PLEKHH2: variants seen among roughly 807,000 people sequenced by gnomAD.
The protein encoded by PLEKHH2 is pleckstrin homology domain-containing family H member 2.
In PLEKHH2, 129 loss-of-function variants were observed where a neutral mutation model predicts 187.9. That is an observed-to-expected ratio of 0.69 (90% confidence interval 0.59 to 0.79). The LOEUF (loss-of-function observed/expected upper bound fraction) is 0.79, where lower values mean the gene tolerates loss of function less well. PLEKHH2 is among the 30% of genes least tolerant of loss of function. The pLI is 0.00. For synonymous variants in PLEKHH2, 686 were observed against 605.6 expected (o/e 1.13, Z -1.95); for missense variants, 2,076 against 1,751.2 (o/e 1.19, Z -3.31).
intron 19 of PLEKHH2, among the ~76,000 whole-genome samples, chr2:43,734,511 G>A (rs183812883): frequency 9.9e-5 from 15 of 152,212 alleles, no homozygotes; most frequent in South Asian, 4.2e-4. Flanking sequence ...GCTAAGCATC[G>A]CTAATCATCA....
intron 3 of PLEKHH2, among the ~76,000 whole-genome samples, chr2:43,683,137 A>G (rs999322215): frequency 1.6e-5 from 2 of 126,228 alleles, no homozygotes; most frequent in Non-Finnish European, 3.3e-5. Flanking sequence ...TTTTATTTAT[A>G]TACCCTTTTT....
At chr2:43,656,723 G>A (rs558694658) in intron 2 of PLEKHH2, among the ~76,000 whole-genome samples, 1 of 152,172 alleles carries the variant, frequency 6.6e-6, no homozygotes, top group Non-Finnish European at 1.5e-5. Context: ...GTCCATTAGA[G>A]AAAACCTTAG....
At chr2:43,764,423 C>T (rs1297606413) in intron 29 of PLEKHH2, 58 bp downstream of exon 29, 5 of 1,520,196 alleles carry the variant, frequency 3.3e-6, no homozygotes, top group East Asian at 2.3e-5. Flanking sequence ...TTAGTCTTAG[C>T]CAGAAGGCCA....
rs115202212 is a variant in PLEKHH2 at position 43,690,955 on chromosome 2, T to A, written c.187-1559T>A. On this transcript the variant is annotated intron_variant, in intron 3 of 29. Transcript: ENST00000282406. ...AACTTTACTATGAGTTGAATAGACTTATATTATCCATGTAGGTTGGCAAAC... is the reference window on the plus strand; with the variant it reads ...AACTTTACTATGAGTTGAATAGACTAATATTATCCATGTAGGTTGGCAAAC... Among the ~76,000 whole-genome samples the A allele has an allele frequency of 1.9e-3, 290 of 152,320 alleles. 1 individual carries two copies. Among genetic ancestry groups the A allele is most frequent in the African/African-American group, 6.6e-3 (275 of 41,564 alleles).
intron 15 of PLEKHH2, among the ~76,000 whole-genome samples, chr2:43,716,950 G>A (rs991829580): frequency 1.3e-5 from 2 of 152,152 alleles, no homozygotes; most frequent in African/African-American, 4.8e-5. Flanking sequence ...TTTGTTGAGT[G>A]GATTTGTTAG....
At chr2:43,707,318 C>A in intron 10 of PLEKHH2, 83 bp from the exon 11 acceptor site, 1 of 1,517,748 alleles carries the variant, frequency 6.6e-7, no homozygotes, top group Non-Finnish European at 9.0e-7. Flanking sequence ...CTTTAGGAGG[C>A]GACCCTAATA....
intron 8 of PLEKHH2, among the ~76,000 whole-genome samples, chr2:43,703,680 T>A (rs1572585902): frequency 6.6e-6 from 1 of 151,918 alleles, no homozygotes; most frequent in East Asian, 1.9e-4. Flanking sequence ...TTATGTGTAG[T>A]CAGTGATTGT....
chr2:43,741,510 C>G (rs887891894), intron 21 of PLEKHH2: 9 of 152,968 alleles, frequency 5.9e-5, no homozygotes, highest in African/African-American at 2.2e-4. Context: ...AGTTCAACTT[C>G]CAGAATGGCT....
In PLEKHH2 at chr2:43,644,671, A is replaced by T. The variant is rs1187679381; in HGVS notation, c.-3A>T. 6.4e-7 allele frequency: 1 copy of T among 1,558,974 alleles called. No homozygotes were observed. Among genetic ancestry groups the T allele is most frequent in the Non-Finnish European group, 8.7e-7 (1 of 1,151,252 alleles). Reference sequence around the variant, plus strand: ...TTGTTTATTTATTTAATTTTTTTAGAATATGGCAGAGCTTTCTGAGCCAGA... The same window carrying T: ...TTGTTTATTTATTTAATTTTTTTAGTATATGGCAGAGCTTTCTGAGCCAGA... On this transcript the variant is annotated splice_region_variant and 5_prime_UTR_variant, in exon 2 of 30. Coordinates refer to ENST00000282406, the MANE Select transcript of PLEKHH2 (RefSeq NM_172069.4).
chr2:43,680,241 C>A (rs1282669344), intron 3 of PLEKHH2, among the ~76,000 whole-genome samples: 2 of 152,110 alleles, frequency 1.3e-5, no homozygotes, highest in African/African-American at 2.4e-5. Flanking sequence ...AAAGAGCCAG[C>A]TTTCTATATT....
chr2:43,710,536 C>T lies in PLEKHH2; in HGVS notation c.2262C>T (p.Ser754=). Residue 754 remains serine (S), a synonymous_variant, in exon 14 of 30, where the codon TCC becomes TCT. Transcript: ENST00000282406. Reference sequence around the variant, plus strand: ...AGGGCCATATTGAACTTAGTGCATCCTGTAGTATTTTAAGAGGAGATAACA... The same window carrying T: ...AGGGCCATATTGAACTTAGTGCATCTTGTAGTATTTTAAGAGGAGATAACA... ...KPQGHIELSA[S]CSILRGDNKQ... 6.3e-7 allele frequency: 1 copy of T among 1,595,838 alleles called. No individual in the cohort carries two copies. The highest frequency in any genetic ancestry group is 8.5e-7 in the Non-Finnish European group (1 of 1,175,812).
At chr2:43,682,936 A>ATG (rs1209874457) in intron 3 of PLEKHH2, among the ~76,000 whole-genome samples, 2 of 125,962 alleles carry the variant, frequency 1.6e-5, no homozygotes, top group African/African-American at 6.5e-5. Flanking sequence ...AATGTTCCAT[A>ATG]TATACACACA....
intron 2 of PLEKHH2, among the ~76,000 whole-genome samples, chr2:43,666,775 A>G (rs1401635659): frequency 1.3e-5 from 2 of 152,288 alleles, no homozygotes; most frequent in East Asian, 1.9e-4. Context: ...ATCTGTCTAA[A>G]TCCTTTTAGC....
At chr2:43,642,043 T>A (rs532720416) in intron 1 of PLEKHH2, among the ~76,000 whole-genome samples, 1 of 152,352 alleles carries the variant, frequency 6.6e-6, no homozygotes, top group East Asian at 1.9e-4. Flanking sequence ...GAGATTGCAT[T>A]GTGTGTATAT....
At chr2:43,693,638 G>C (rs900876568) in intron 4 of PLEKHH2, among the ~76,000 whole-genome samples, 12 of 149,978 alleles carry the variant, frequency 8.0e-5, no homozygotes, top group African/African-American at 3.0e-4. Context: ...GCAGGAGAGC[G>C]GCGTGAACCC....
rs1015576074 is a variant in PLEKHH2, at chr2:43,695,189, C to A, written c.467C>A (p.Thr156Asn). ...QNLRLINQNQTEEIRTMQSKL... is the reference protein window; with the variant it reads ...QNLRLINQNQNEEIRTMQSKL... The stretch of plus-strand genomic sequence containing the variant: ...CTTCGTTTGATCAACCAAAACCAAA[C>A]TGAAGAGATAAGAACAATGCAGTCA... The change falls in exon 6 of 30, where the codon ACT (threonine) becomes AAT (asparagine). Residue 156 changes from threonine (T) to asparagine (N), a missense_variant. Thr to Asn is a moderately conservative substitution (Grantham distance 65). Coordinates refer to ENST00000282406, the MANE Select transcript of PLEKHH2 (RefSeq NM_172069.4). The A allele has an allele frequency of 6.3e-7, 1 of 1,598,888 alleles. No homozygotes were observed. Among genetic ancestry groups the A allele is most frequent in the Non-Finnish European group, 8.5e-7 (1 of 1,170,460 alleles).
chr2:43,674,691 A>T (rs1667644422), intron 2 of PLEKHH2, among the ~76,000 whole-genome samples: 1 of 152,234 alleles, frequency 6.6e-6, no homozygotes, highest in African/African-American at 2.4e-5. Flanking sequence ...GCCTTTTAAA[A>T]TGCTGCCATG....
chr2:43,723,377 T>G (rs1320239713), intron 16 of PLEKHH2, among the ~76,000 whole-genome samples: 1 of 152,120 alleles, frequency 6.6e-6, no homozygotes, highest in Admixed American at 6.5e-5. Flanking sequence ...GACATAAAGG[T>G]GAACACTTAT....
intron 15 of PLEKHH2, among the ~76,000 whole-genome samples, 192 bp downstream of exon 15, chr2:43,712,575 T>C (rs1670019770): frequency 6.6e-6 from 1 of 152,224 alleles, no homozygotes; most frequent in Non-Finnish European, 1.5e-5. Flanking sequence ...TTGACTATAA[T>C]ATGTAAAAAT....
Sources: gnomAD v4.1 joint callset for allele counts (sites outside exome capture counted in the v4.1 genomes callset) on GRCh38, gnomAD v4.1.1 for gene constraint, MANE v1.5 for transcripts, NCBI Gene and HGNC (gene_info 2026-07-23, HGNC 2026-07-21) for gene names.